Variants in RTL4 observed in about 807,000 individuals in gnomAD.
RTL4 encodes the protein retrotransposon Gag like 4, also known as retrotransposon Gag-like protein 4.
Under a neutral mutation model 5.3 loss-of-function variants are expected in RTL4, and 4 were observed. The ratio of observed to expected loss-of-function variants is 0.75; its 90% CI spans 0.37 to 1.72. The LOEUF (loss-of-function observed/expected upper bound fraction) is 1.72. RTL4 is among the 40% of genes most tolerant of loss of function. The pLI, the probability that RTL4 is intolerant of heterozygous loss-of-function variation, is 0.04. For missense variants in RTL4, 260 were observed against 227.1 expected (o/e 1.14, Z -0.93); for synonymous variants, 98 against 87.3 (o/e 1.12, Z -0.68).
chrX:112,424,560 C>A, the RTL4 span, among the ~76,000 whole-genome samples: 6 of 111,106 alleles, frequency 5.4e-5, no homozygotes, highest in Non-Finnish European at 1.1e-4. Context: ...AAGGTTGCAA[C>A]TAATCTGAAG....
the RTL4 span, among the ~76,000 whole-genome samples, chrX:112,317,580 A>G: frequency 8.1e-5 from 9 of 111,164 alleles, no homozygotes; most frequent in African/African-American, 2.6e-4. Context: ...GTGTGAATCA[A>G]ATTTGATGGT....
At chrX:112,447,254 A>G in the RTL4 span, among the ~76,000 whole-genome samples, 1 of 111,922 alleles carries the variant, frequency 8.9e-6, no homozygotes, top group Non-Finnish European at 1.9e-5. Context: ...ACTGACAAAG[A>G]TGTTTGGTAG....
chrX:112,398,608 C>T, the RTL4 span, among the ~76,000 whole-genome samples: 258 of 109,936 alleles, frequency 2.3e-3, 1 homozygote, highest in African/African-American at 7.9e-3. Context: ...ACCATGTTAG[C>T]CAGGATGGTC....
At chrX:112,280,827 A>G in the RTL4 span, among the ~76,000 whole-genome samples, 1 of 111,263 alleles carries the variant, frequency 9.0e-6, no homozygotes, top group East Asian at 2.8e-4. Flanking sequence ...ACTCAGAGTG[A>G]ATATATTTAA....
At chrX:112,361,167 A>G in the RTL4 span, among the ~76,000 whole-genome samples, 1 of 111,420 alleles carries the variant, frequency 9.0e-6, no homozygotes, top group Non-Finnish European at 1.9e-5. Flanking sequence ...TTGCACAGGT[A>G]TTTCTTTCTC....
chrX:112,190,193 T>TTTCTTTC, the RTL4 span, among the ~76,000 whole-genome samples: 10 of 103,002 alleles, frequency 9.7e-5, no homozygotes, highest in South Asian at 1.6e-3. Flanking sequence ...TCTTTCTTTC[T>TTTCTTTC]TTCTTTCTTT....
the RTL4 span, among the ~76,000 whole-genome samples, chrX:112,225,641 G>T: frequency 1.3e-4 from 14 of 111,654 alleles, no homozygotes; most frequent in Admixed American, 1.3e-3. Context: ...ATGAGTGGAG[G>T]CAGGCTCTTA....
chrX:112,083,782 C>A, the RTL4 span, among the ~76,000 whole-genome samples: 32 of 111,446 alleles, frequency 2.9e-4, no homozygotes, highest in African/African-American at 1.0e-3. Context: ...CTCAGAATGT[C>A]CACCCTCTTG....
chrX:112,287,608 A>C, the RTL4 span, among the ~76,000 whole-genome samples: 1 of 111,537 alleles, frequency 9.0e-6, no homozygotes, highest in African/African-American at 3.3e-5. Context: ...ACTGCATTCT[A>C]GTAGGAGCAT....
chrX:112,249,686 T>C, the RTL4 span, among the ~76,000 whole-genome samples: 7 of 109,147 alleles, frequency 6.4e-5, no homozygotes, highest in Middle Eastern at 4.8e-3. Flanking sequence ...GCCTTCAGAT[T>C]AGGACTGAAA....
In RTL4 at chrX:112,455,426, C is replaced by T. The variant is rs747112680; in HGVS notation, c.698C>T (p.Pro233Leu). ...CTCCTACAGTCAGAGACCCAGCTCC[C>T]ATTGTTGGCTTCCTTGATCCAACAC... Residue 233 changes from proline (P) to leucine (L), a missense_variant, in exon 1 of 1, where the codon CCA becomes CTA. Transcript: ENST00000340433. 3.3e-6 allele frequency: 4 copies of T among 1,209,101 alleles called. No individual in the cohort carries two copies. The East Asian group carries it at 1.2e-4, about 36-fold the overall frequency.
chrX:112,184,317 G>A, the RTL4 span, among the ~76,000 whole-genome samples: 9 of 110,008 alleles, frequency 8.2e-5, no homozygotes, highest in African/African-American at 2.0e-4. Flanking sequence ...AAACCTGCAC[G>A]TTGTGCACAT....
the RTL4 span, among the ~76,000 whole-genome samples, chrX:112,194,262 C>T: frequency 1.8e-5 from 2 of 111,817 alleles, no homozygotes; most frequent in Non-Finnish European, 3.8e-5. Flanking sequence ...CCTCAAAATT[C>T]ATATGTTGAA....
At chrX:112,213,456 A>G in the RTL4 span, among the ~76,000 whole-genome samples, 1 of 112,515 alleles carries the variant, frequency 8.9e-6, no homozygotes, top group African/African-American at 3.2e-5. Flanking sequence ...AAGAAATATG[A>G]CAAGGTCTGC....
chrX:112,102,057 G>T, the RTL4 span, among the ~76,000 whole-genome samples: 1 of 110,699 alleles, frequency 9.0e-6, no homozygotes, highest in African/African-American at 3.3e-5. Flanking sequence ...AGCCCCTCAG[G>T]GTGTCATACT....
At chrX:112,276,376 A>C in the RTL4 span, among the ~76,000 whole-genome samples, 1 of 112,149 alleles carries the variant, frequency 8.9e-6, no homozygotes, top group Non-Finnish European at 1.9e-5. Context: ...AAAACAAAAC[A>C]AAAACAACCC....
chrX:112,377,724 T>C, the RTL4 span, among the ~76,000 whole-genome samples: 3 of 111,804 alleles, frequency 2.7e-5, no homozygotes, highest in African/African-American at 9.7e-5. Context: ...CAGGCTACCA[T>C]GTAAGCAGCC....
the RTL4 span, among the ~76,000 whole-genome samples, chrX:112,185,588 T>C: frequency 9.3e-6 from 1 of 107,752 alleles, no homozygotes; most frequent in Non-Finnish European, 1.9e-5. Context: ...ATTTGAAAGG[T>C]AGATATTAAT....
the RTL4 span, among the ~76,000 whole-genome samples, chrX:112,169,909 A>G: frequency 4.5e-5 from 5 of 112,060 alleles, no homozygotes; most frequent in Non-Finnish European, 9.4e-5. Flanking sequence ...CTGCCCCTAC[A>G]GACACATCAG....
Sources: gnomAD v4.1 joint callset for allele counts (sites outside exome capture counted in the v4.1 genomes callset) on GRCh38, gnomAD v4.1.1 for gene constraint, MANE v1.5 for transcripts, NCBI Gene and HGNC (gene_info 2026-07-23, HGNC 2026-07-21) for gene names.